FCRL3: variants seen among roughly 807,000 people sequenced by gnomAD.
The protein encoded by FCRL3 is Fc receptor-like protein 3.
A neutral mutation model predicts 75.0 loss-of-function variants in FCRL3; 89 were observed. The ratio of observed to expected loss-of-function variants is 1.19; its 90% CI spans 1.00 to 1.42. The LOEUF (loss-of-function observed/expected upper bound fraction) is 1.42. FCRL3 is among the 40% of genes most tolerant of loss of function. The probability of loss-of-function intolerance (pLI) is 0.00; values close to 1 mark genes in which losing one functional copy is unlikely to be tolerated. For synonymous variants in FCRL3, 376 were observed against 348.5 expected (o/e 1.08, Z -0.88); for missense variants, 946 against 880.0 (o/e 1.07, Z -0.95).
At chr1:157,679,068 G>T in intron 13 of FCRL3, 95 bp from the exon 14 acceptor site, 1 of 1,371,112 alleles carries the variant, frequency 7.3e-7, no homozygotes, top group Non-Finnish European at 1.0e-6. Context: ...CAATCTTCTT[G>T]ATTTGCTTGA....
At position 157,681,057 on chromosome 1, in the gene FCRL3, A is replaced by G; in HGVS notation, c.1881T>C (p.Pro627=). 2 of 1,603,792 alleles carry G rather than the reference A, an allele frequency of 1.2e-6. No individual in the cohort carries two copies. The change falls in exon 12 of 15, where the codon CCT becomes CCC. Residue 627 remains proline (P), a synonymous_variant. Transcript: ENST00000368184. ...SECQEPSSSR[P]SRIDPQEPTH... ...TGGGCTCTTGAGGGTCTATCCTGGA[A>G]GGCCTGGACGAGGAAGGCTCCTGAC...
At chr1:157,693,677 T>G (rs1407045883) in intron 8 of FCRL3, among the ~76,000 whole-genome samples, 1 of 152,108 alleles carries the variant, frequency 6.6e-6, no homozygotes, top group African/African-American at 2.4e-5. Context: ...TTATTTCATT[T>G]TCTTTCTCTC....
intron 3 of FCRL3, among the ~76,000 whole-genome samples, chr1:157,698,944 A>C (rs990162225): frequency 2.0e-5 from 3 of 152,224 alleles, no homozygotes; most frequent in African/African-American, 7.2e-5. Flanking sequence ...GCTGATCCTG[A>C]AATTCTCTTG....
intron 7 of FCRL3, 112 bp downstream of exon 7, chr1:157,695,927 AC>A (rs1655865375): frequency 3.8e-5 from 2 of 52,198 alleles, no homozygotes; most frequent in Non-Finnish European, 7.1e-5. Context: ...CTCTGTCCCC[AC>A]CCCCCTCCCC....
At position 157,676,676 on chromosome 1, in the gene FCRL3, C is replaced by T. The variant is rs1291365652; in HGVS notation, c.*2034G>A. ...TCCGAGATGTACAGTTAGGACTCACCCCTTCTTCCACTCACATACTCTGAT... is the reference window on the plus strand; with the variant it reads ...TCCGAGATGTACAGTTAGGACTCACTCCTTCTTCCACTCACATACTCTGAT... On this transcript the variant is annotated 3_prime_UTR_variant, in exon 15 of 15. Coordinates refer to ENST00000368184, the MANE Select transcript of FCRL3 (RefSeq NM_052939.4). 6 of 1,532,972 alleles carry T rather than the reference C, an allele frequency of 3.9e-6. No individual in the cohort carries two copies. The highest frequency in any genetic ancestry group is 2.0e-5 in the Admixed American group (1 of 50,912). The allele number at this position is 1,532,972 out of a possible 1,614,324, so 95.0% of individuals were successfully genotyped here.
chr1:157,680,666 G>A, intron 13 of FCRL3, 36 bp downstream of exon 13: 5 of 1,581,066 alleles, frequency 3.2e-6, no homozygotes, highest in Non-Finnish European at 4.3e-6. Flanking sequence ...ATAAAACACT[G>A]CCACCTCACC....
chr1:157,697,551 A>C, intron 5 of FCRL3, 108 bp downstream of exon 5: 1 of 1,473,032 alleles, frequency 6.8e-7, no homozygotes, highest in Non-Finnish European at 9.1e-7. Flanking sequence ...TCTCCCTCCC[A>C]TGGCTGAGCC....
chr1:157,693,728 C>CTT (rs1557830404), intron 8 of FCRL3, among the ~76,000 whole-genome samples: 7 of 148,634 alleles, frequency 4.7e-5, no homozygotes, highest in African/African-American at 1.8e-4. Context: ...TCCTTCCTTT[C>CTT]TCTCTCTCTC....
chr1:157,698,847 G>C (rs1302583685), intron 3 of FCRL3, among the ~76,000 whole-genome samples: 1 of 152,232 alleles, frequency 6.6e-6, no homozygotes, highest in Non-Finnish European at 1.5e-5. Context: ...TTATAGGGGA[G>C]AGGTCTCAGT....
rs1654503250 is a variant in FCRL3, at chr1:157,677,025, A to G, written c.*1685T>C. The G allele has an allele frequency of 4.0e-6, 5 of 1,261,338 alleles. No individual in the cohort carries two copies. The South Asian group carries it at 8.5e-5, about 21-fold the overall frequency. The allele number at this position is 1,261,338 out of a possible 1,614,324, so 78.1% of individuals were successfully genotyped here. A position where few individuals can be genotyped will look rare whatever the true frequency, so the allele number is the denominator to read the frequency against. ...CTCTTCAAGGGACCTTAAAATTTTA[A>G]TGCCAATATGAACATGAACTGGCAG... On this transcript the variant is annotated 3_prime_UTR_variant, in exon 15 of 15. Transcript: ENST00000368184.
At chr1:157,696,537 G>C (rs1412342003) in intron 6 of FCRL3, 9 of 567,908 alleles carry the variant, frequency 1.6e-5, no homozygotes, top group Non-Finnish European at 2.5e-5. Flanking sequence ...AGAAATGTGG[G>C]CACCAAGTCC....
chr1:157,687,203 C>T (rs777764185), intron 10 of FCRL3, among the ~76,000 whole-genome samples: 1 of 151,198 alleles, frequency 6.6e-6, no homozygotes, highest in Non-Finnish European at 1.5e-5. Context: ...CATCACTAAT[C>T]TCCAGAGAAA....
intron 13 of FCRL3, among the ~76,000 whole-genome samples, chr1:157,679,497 A>G (rs1420211509): frequency 6.6e-6 from 1 of 152,168 alleles, no homozygotes; most frequent in Non-Finnish European, 1.5e-5. Context: ...TGGAGCATTG[A>G]GAAAATTTAG....
chr1:157,678,636 G>A lies in FCRL3; in HGVS notation c.*74C>T. 6.3e-7 allele frequency: 1 copy of A among 1,591,812 alleles called. No individual in the cohort carries two copies. Among genetic ancestry groups the A allele is most frequent in the Non-Finnish European group, 8.5e-7 (1 of 1,173,774 alleles). ...GTAGGAGGCAGAGTCTGGAGAGATGGATGATGTGTGGTTGGAGAGAACAGA... is the reference window on the plus strand; with the variant it reads ...GTAGGAGGCAGAGTCTGGAGAGATGAATGATGTGTGGTTGGAGAGAACAGA... On this transcript the variant is annotated 3_prime_UTR_variant, in exon 15 of 15. Transcript: ENST00000368184.
chr1:157,677,624 A>C lies in FCRL3; in HGVS notation c.*1086T>G, dbSNP rs778450457. 5 of 984,524 alleles carry C rather than the reference A, an allele frequency of 5.1e-6. No homozygotes were observed. Among genetic ancestry groups the C allele is most frequent in the Non-Finnish European group, 6.0e-6 (5 of 829,150 alleles). The allele number at this position is 984,524 out of a possible 1,614,324, so 61.0% of individuals were successfully genotyped here. ...GATAGCTAGGAAAACATTAAGCCAG[A>C]TATTTTACACAAGTAAATACTAAAC... On this transcript the variant is annotated 3_prime_UTR_variant, in exon 15 of 15. Coordinates refer to ENST00000368184, the MANE Select transcript of FCRL3 (RefSeq NM_052939.4).
chr1:157,688,961 A>C (rs973517605), intron 10 of FCRL3, among the ~76,000 whole-genome samples: 1 of 152,224 alleles, frequency 6.6e-6, no homozygotes, highest in African/African-American at 2.4e-5. Context: ...TTTTACAAAA[A>C]TTTATTTGTG....
Position 157,683,335 on chromosome 1 carries a change from A to G in FCRL3, c.1811-91T>C. On this transcript the variant is annotated intron_variant, in intron 10 of 14. Transcript: ENST00000368184. ...ACATTTTTTCCTAGAAATCAGATTC[A>G]TTCTAGATCTAAGCTACGGAAAAAC... is the stretch of plus-strand genomic sequence containing the variant. 3 of 1,471,650 alleles carry G rather than the reference A, an allele frequency of 2.0e-6. 1 individual carries two copies. The highest frequency in any genetic ancestry group is 2.4e-5 in the South Asian group (2 of 82,190). The allele number at this position is 1,471,650 out of a possible 1,614,324, so 91.2% of individuals were successfully genotyped here. A position where few individuals can be genotyped will look rare whatever the true frequency, so the allele number is the denominator to read the frequency against.
rs12140725 is a variant in FCRL3, at chr1:157,698,637, G to A, written c.53-8C>T. On this transcript the variant is annotated splice_region_variant and splice_polypyrimidine_tract_variant and intron_variant, in intron 3 of 14. Transcript: ENST00000368184. ...CAGCTTTTGGGGCCACCCCTAAACAGGAAATAGAAAGATGAAGGCAGGGGA... is the reference window on the plus strand; with the variant it reads ...CAGCTTTTGGGGCCACCCCTAAACAAGAAATAGAAAGATGAAGGCAGGGGA... The A allele has an allele frequency of 0.2, 314,698 of 1,610,932 alleles. 32,049 individuals are homozygous for A. Among genetic ancestry groups the A allele is most frequent in the Non-Finnish European group, 0.21 (246,490 of 1,177,168 alleles).
rs79161040 is a variant in FCRL3, at chr1:157,689,618, T to G, written c.1810+180A>C. On this transcript the variant is annotated intron_variant, in intron 10 of 14. Transcript: ENST00000368184. The stretch of plus-strand genomic sequence containing the variant: ...CAAATTAAACACATGAGGTAAAAAT[T>G]TTATTGAGAAGTTTATTCTATTGTT... Among the ~76,000 whole-genome samples the G allele has an allele frequency of 3.3e-3, 509 of 152,296 alleles. 9 individuals carry two copies. The highest frequency in any genetic ancestry group is 0.024 in the East Asian group (127 of 5,192).
Sources: gnomAD v4.1 joint callset for allele counts (sites outside exome capture counted in the v4.1 genomes callset) on GRCh38, gnomAD v4.1.1 for gene constraint, MANE v1.5 for transcripts, NCBI Gene and HGNC (gene_info 2026-07-23, HGNC 2026-07-21) for gene names.